The following CNOT4 variants were observed in gnomAD, a reference collection of about 807,000 sequenced individuals.
CNOT4 encodes CCR4-associated factor 4.
Under a neutral mutation model 73.8 loss-of-function variants are expected in CNOT4, and 8 were observed. The observed-to-expected ratio is 0.11, with a 90% CI of 0.06 to 0.20. CNOT4 has a LOEUF of 0.20. Among genes scored for constraint, CNOT4 ranks in the 10% least tolerant of loss-of-function variants. The probability of loss-of-function intolerance (pLI) is 1.00; values close to 1 mark genes in which losing one functional copy is unlikely to be tolerated. For missense variants in CNOT4, 564 were observed against 883.4 expected (o/e 0.64, Z 4.58); for synonymous variants, 293 against 321.1 (o/e 0.91, Z 0.94).
chr7:135,433,530 T>C (rs1486710716), intron 2 of CNOT4, among the ~76,000 whole-genome samples: 2 of 151,732 alleles, frequency 1.3e-5, no homozygotes, highest in African/African-American at 2.4e-5. Context: ...CTAATTTTTC[T>C]TATTGTTATT....
intron 1 of CNOT4, among the ~76,000 whole-genome samples, chr7:135,453,867 G>A (rs1487687733): frequency 2.8e-5 from 3 of 107,292 alleles, no homozygotes; most frequent in Admixed American, 2.2e-4. Context: ...AGCTGGTACA[G>A]CAGCTCATGC....
intron 10 of CNOT4, among the ~76,000 whole-genome samples, chr7:135,366,219 T>G (rs1391825815): frequency 1.3e-5 from 2 of 152,200 alleles, no homozygotes; most frequent in African/African-American, 4.8e-5. Flanking sequence ...GCTCCTAACT[T>G]TTGCTTTACC....
intron 10 of CNOT4, chr7:135,386,058 T>A (rs888589796): frequency 4.0e-5 from 6 of 151,646 alleles, no homozygotes; most frequent in Admixed American, 2.0e-4. Flanking sequence ...TTAGAGAAAA[T>A]AAAGAGGCAC....
At chr7:135,507,548 G>A (rs1804456361) in intron 1 of CNOT4, among the ~76,000 whole-genome samples, 1 of 151,988 alleles carries the variant, frequency 6.6e-6, no homozygotes, top group African/African-American at 2.4e-5. Flanking sequence ...CAGTAACTGC[G>A]GGCAAAAATT....
intron 1 of CNOT4, among the ~76,000 whole-genome samples, chr7:135,454,949 A>G (rs1170608129): frequency 6.6e-6 from 1 of 152,174 alleles, no homozygotes; most frequent in Non-Finnish European, 1.5e-5. Flanking sequence ...ACACAACACT[A>G]GGTCAATTAC....
In CNOT4 at chr7:135,424,480, T is replaced by C. The variant is rs547529843; in HGVS notation, c.175-2127A>G. ...ATTCCTGGGGTAGTTCCTTCTGAAGTGTTTACAATTAAGTTCATTTGAGGC... is the reference window on the plus strand; with the variant it reads ...ATTCCTGGGGTAGTTCCTTCTGAAGCGTTTACAATTAAGTTCATTTGAGGC... On this transcript the variant is annotated intron_variant, in intron 2 of 11. Transcript: ENST00000541284. Among the ~76,000 whole-genome samples the C allele has an allele frequency of 4.6e-5, 7 of 152,258 alleles. No homozygotes were observed. In the East Asian group the frequency reaches 1.2e-3, roughly 25 times the overall value.
At chr7:135,407,066 C>T (rs1797332287) in intron 7 of CNOT4, among the ~76,000 whole-genome samples, 1 of 152,158 alleles carries the variant, frequency 6.6e-6, no homozygotes, top group Non-Finnish European at 1.5e-5. Context: ...TAAGCTCTTG[C>T]TCTGAGTTCA....
At chr7:135,506,365 G>A (rs1804365903) in intron 1 of CNOT4, among the ~76,000 whole-genome samples, 1 of 152,136 alleles carries the variant, frequency 6.6e-6, no homozygotes, top group African/African-American at 2.4e-5. Context: ...AGAACCAAAT[G>A]AGCTGAATGT....
intron 1 of CNOT4, among the ~76,000 whole-genome samples, chr7:135,475,395 G>T (rs998217055): frequency 1.3e-5 from 2 of 152,084 alleles, no homozygotes; most frequent in Non-Finnish European, 2.9e-5. Context: ...GATGATTACA[G>T]AATTTTAGTG....
At chr7:135,487,493 G>A (rs1802806634) in intron 1 of CNOT4, among the ~76,000 whole-genome samples, 1 of 151,904 alleles carries the variant, frequency 6.6e-6, no homozygotes, top group Non-Finnish European at 1.5e-5. Context: ...TCCCACCTTG[G>A]CCCCAAAATG....
rs967803712 is a variant in CNOT4, at chr7:135,447,008, T to C, written c.-92-8585A>G. Among the ~76,000 whole-genome samples the C allele has an allele frequency of 2.8e-5, 4 of 145,276 alleles. No homozygotes were observed. In the South Asian group the frequency reaches 6.7e-4, roughly 24 times the overall value. Reference sequence around the variant, plus strand: ...AATGGAAACTTCAGGAGGGCAGAAATGACCCGGTGCATCACATTTATGACG... The same window carrying C: ...AATGGAAACTTCAGGAGGGCAGAAACGACCCGGTGCATCACATTTATGACG... On this transcript the variant is annotated intron_variant, in intron 1 of 11. Coordinates refer to ENST00000541284, the MANE Select transcript of CNOT4 (RefSeq NM_001190850.2).
chr7:135,368,037 G>A (rs1027917714), intron 10 of CNOT4, among the ~76,000 whole-genome samples: 2 of 152,082 alleles, frequency 1.3e-5, no homozygotes, highest in Non-Finnish European at 2.9e-5. Flanking sequence ...AACAATTTGA[G>A]GGCAGGAAAG....
chr7:135,503,353 C>T (rs868257302), intron 1 of CNOT4, among the ~76,000 whole-genome samples: 1 of 151,676 alleles, frequency 6.6e-6, no homozygotes, highest in African/African-American at 2.4e-5. Flanking sequence ...GTCAGAGCAA[C>T]CTGAGAGGCT....
At chr7:135,384,821 T>C in intron 10 of CNOT4, 1 of 718,024 alleles carries the variant, frequency 1.4e-6, no homozygotes, top group Non-Finnish European at 2.5e-6. Flanking sequence ...TGTTTGTCTC[T>C]TCAACTTTGT....
At chr7:135,400,142 G>A (rs1796925908) in intron 7 of CNOT4, among the ~76,000 whole-genome samples, 1 of 151,970 alleles carries the variant, frequency 6.6e-6, no homozygotes, top group African/African-American at 2.4e-5. Flanking sequence ...CAGCATTAAA[G>A]GTAGGAATAC....
Position 135,485,225 on chromosome 7 carries a change from G to A in CNOT4, c.-93+24664C>T, listed in dbSNP as rs151203468. Among the ~76,000 whole-genome samples, 1,189 of 151,956 alleles carry A rather than the reference G, an allele frequency of 7.8e-3. 18 individuals are homozygous for A. Among genetic ancestry groups the A allele is most frequent in the African/African-American group, 0.027 (1,131 of 41,450 alleles). ...GTAGCTGGGATTACAGGTGCGTGCCGCCACACCCAGCTAATTTTTGTATTT... is the reference window on the plus strand; with the variant it reads ...GTAGCTGGGATTACAGGTGCGTGCCACCACACCCAGCTAATTTTTGTATTT... On this transcript the variant is annotated intron_variant, in intron 1 of 11. Coordinates refer to ENST00000541284, the MANE Select transcript of CNOT4 (RefSeq NM_001190850.2).
At chr7:135,387,493 CTAT>C in intron 10 of CNOT4, 2 of 973,768 alleles carry the variant, frequency 2.1e-6, no homozygotes, top group South Asian at 4.7e-5. Context: ...ATAACATGTT[CTAT>C]TATTATTATT....
intron 10 of CNOT4, among the ~76,000 whole-genome samples, chr7:135,391,978 C>T (rs893127096): frequency 6.6e-6 from 1 of 152,040 alleles, no homozygotes; most frequent in Non-Finnish European, 1.5e-5. Flanking sequence ...TATATCTATA[C>T]AATTTAAGAA....
At chr7:135,496,817 T>C (rs1470446085) in intron 1 of CNOT4, among the ~76,000 whole-genome samples, 3 of 152,050 alleles carry the variant, frequency 2.0e-5, no homozygotes, top group African/African-American at 7.2e-5. Context: ...TCTCATTTTC[T>C]TTTTATTTTT....
Sources: gnomAD v4.1 joint callset for allele counts (sites outside exome capture counted in the v4.1 genomes callset) on GRCh38, gnomAD v4.1.1 for gene constraint, MANE v1.5 for transcripts, NCBI Gene and HGNC (gene_info 2026-07-23, HGNC 2026-07-21) for gene names.